TMEM108: variants seen among roughly 807,000 people sequenced by gnomAD.
TMEM108 encodes the protein transmembrane protein 108, also known as cancer/testis antigen 124.
A neutral mutation model predicts 35.1 loss-of-function variants in TMEM108; 12 were observed. That is an observed-to-expected ratio of 0.34 (90% CI 0.22 to 0.55). TMEM108 has a LOEUF of 0.55. TMEM108 is among the 20% of genes least tolerant of loss of function. The pLI is 0.89. For missense variants in TMEM108, 680 were observed against 753.3 expected, an observed-to-expected ratio of 0.90 and a Z score of 1.14; for synonymous variants, 287 against 308.6, an observed-to-expected ratio of 0.93 and a Z score of 0.73.
At chr3:133,094,221 A>ACCCCAAC in intron 2 of TMEM108, among the ~76,000 whole-genome samples, 1 of 34,338 alleles carries the variant, frequency 2.9e-5, no homozygotes, top group East Asian at 1.1e-3. Flanking sequence ...CCCACCTCCC[A>ACCCCAAC]CCCCACCCCC....
chr3:133,218,470 C>G (rs1441397191), intron 2 of TMEM108, among the ~76,000 whole-genome samples: 1 of 151,828 alleles, frequency 6.6e-6, no homozygotes, highest in Non-Finnish European at 1.5e-5. Flanking sequence ...GCTTCTTTGT[C>G]TTGTTCCTGA....
At chr3:133,168,006 T>G (rs1945070030) in intron 2 of TMEM108, among the ~76,000 whole-genome samples, 1 of 152,174 alleles carries the variant, frequency 6.6e-6, no homozygotes, top group South Asian at 2.1e-4. Flanking sequence ...TACGTCCTGT[T>G]TATAATTTGG....
chr3:133,075,095 T>C (rs1484392172), intron 2 of TMEM108, among the ~76,000 whole-genome samples: 1 of 152,186 alleles, frequency 6.6e-6, no homozygotes, highest in Non-Finnish European at 1.5e-5. Flanking sequence ...TTGCTGTGCT[T>C]CTCCACAGAG....
intron 3 of TMEM108, chr3:133,378,366 C>G: frequency 1.0e-6 from 1 of 985,516 alleles, no homozygotes; most frequent in South Asian, 4.7e-5. Context: ...CATCAGACAC[C>G]TGGGAATCAC....
intron 2 of TMEM108, among the ~76,000 whole-genome samples, chr3:133,068,870 G>A (rs894698497): frequency 1.3e-5 from 2 of 152,150 alleles, no homozygotes. Flanking sequence ...AGAAAAGGAA[G>A]AAATAACTGT....
chr3:133,328,296 G>C (rs1168396272), intron 3 of TMEM108, among the ~76,000 whole-genome samples: 1 of 152,146 alleles, frequency 6.6e-6, no homozygotes, highest in Non-Finnish European at 1.5e-5. Flanking sequence ...ACCATGTCAT[G>C]ACCTTCCGAT....
chr3:133,062,730 G>A lies in TMEM108; in HGVS notation c.-47+16710G>A, dbSNP rs141251887. The stretch of plus-strand genomic sequence containing the variant: ...AAGTGAGAATGGAAGGAGAAGGTTT[G>A]GAGACAACACTTCTGAGGACTTTTG... On this transcript the variant is annotated intron_variant, in intron 2 of 5. Transcript: ENST00000321871. 4.6e-3 allele frequency among the ~76,000 whole-genome samples: 708 copies of A among 152,328 alleles called. 7 individuals carry two copies. The highest frequency in any genetic ancestry group is 0.031 in the Middle Eastern group (9 of 294).
At chr3:133,194,980 T>G (rs1945556181) in intron 2 of TMEM108, among the ~76,000 whole-genome samples, 1 of 152,194 alleles carries the variant, frequency 6.6e-6, no homozygotes, top group Admixed American at 6.5e-5. Flanking sequence ...TAAACATCCA[T>G]TATGTAAATC....
chr3:133,078,936 G>A (rs1207666185), intron 2 of TMEM108, among the ~76,000 whole-genome samples: 2 of 152,184 alleles, frequency 1.3e-5, no homozygotes, highest in Non-Finnish European at 2.9e-5. Context: ...CTGTAAGGGT[G>A]TTAAGATGCT....
At chr3:133,183,542 G>A (rs1224762505) in intron 2 of TMEM108, among the ~76,000 whole-genome samples, 1 of 152,162 alleles carries the variant, frequency 6.6e-6, no homozygotes. Context: ...CTTCTGTCCT[G>A]GCCAGGGTAA....
Position 133,346,281 on chromosome 3 carries a change from C to T in TMEM108, c.41-33471C>T, listed in dbSNP as rs1308746233. 6.6e-6 allele frequency among the ~76,000 whole-genome samples: 1 copy of T among 151,900 alleles called. No individual in the cohort carries two copies. Among genetic ancestry groups the T allele is most frequent in the Non-Finnish European group, 1.5e-5 (1 of 67,868 alleles). ...CACTGAATGAGAGTTCCTGTTACTT[C>T]ACTTCCTCACCAGCATTTGGTATTA... is the stretch of plus-strand genomic sequence containing the variant. On this transcript the variant is annotated intron_variant, in intron 3 of 5. Coordinates refer to ENST00000321871, the MANE Select transcript of TMEM108 (RefSeq NM_023943.4). This position sits in a 1 kb window ranked among gnomAD's most constrained non-coding sequence, Gnocchi z 4.0.
At chr3:133,184,597 C>T (rs928339132) in intron 2 of TMEM108, among the ~76,000 whole-genome samples, 2 of 152,168 alleles carry the variant, frequency 1.3e-5, no homozygotes, top group African/African-American at 4.8e-5. Context: ...CTATTCAAAT[C>T]ATTCAACTTA....
chr3:133,206,548 AGTC>A (rs1945757302), intron 2 of TMEM108, among the ~76,000 whole-genome samples: 3 of 152,202 alleles, frequency 2.0e-5, no homozygotes, highest in Admixed American at 2.0e-4. Flanking sequence ...TCCTTCTAAG[AGTC>A]AGGCCCCTCT....
chr3:133,160,089 G>A (rs1284496546), intron 2 of TMEM108, among the ~76,000 whole-genome samples: 1 of 152,198 alleles, frequency 6.6e-6, no homozygotes, highest in African/African-American at 2.4e-5. Flanking sequence ...TTTTCCTGTG[G>A]TGTGCTTAAG....
At chr3:133,263,130 G>T (rs1946648768) in intron 3 of TMEM108, among the ~76,000 whole-genome samples, 1 of 152,174 alleles carries the variant, frequency 6.6e-6, no homozygotes, top group African/African-American at 2.4e-5. Flanking sequence ...CATATGTGTT[G>T]TAAGACTCCA....
intron 2 of TMEM108, among the ~76,000 whole-genome samples, chr3:133,156,219 T>G (rs1035667947): frequency 6.6e-6 from 1 of 152,128 alleles, no homozygotes; most frequent in African/African-American, 2.4e-5. Context: ...TGTAGGTGTT[T>G]TACAAATCAA....
chr3:133,148,711 A>G (rs1944756255), intron 2 of TMEM108, among the ~76,000 whole-genome samples: 1 of 152,072 alleles, frequency 6.6e-6, no homozygotes, highest in Admixed American at 6.6e-5. Flanking sequence ...AAATCCAAAC[A>G]TTGGTCAGGT....
chr3:133,329,405 G>T (rs936558082), intron 3 of TMEM108, among the ~76,000 whole-genome samples: 1 of 152,044 alleles, frequency 6.6e-6, no homozygotes, highest in Non-Finnish European at 1.5e-5. Flanking sequence ...GTTCATTGAT[G>T]CCTAGATCCT....
At chr3:133,142,105 T>G (rs776535121) in intron 2 of TMEM108, among the ~76,000 whole-genome samples, 25 of 152,166 alleles carry the variant, frequency 1.6e-4, no homozygotes, top group Non-Finnish European at 1.9e-4. Context: ...CATTGTCATA[T>G]ATATTCTGGG....
Sources: gnomAD v4.1 joint callset for allele counts (sites outside exome capture counted in the v4.1 genomes callset) on GRCh38, gnomAD v4.1.1 for gene constraint, Gnocchi (gnomAD v3.1) non-coding constraint, MANE v1.5 for transcripts, NCBI Gene and HGNC (gene_info 2026-07-23, HGNC 2026-07-21) for gene names.